Variants in WDR7 observed in about 807,000 individuals in gnomAD.
The protein encoded by WDR7 is WD repeat domain 7.
A neutral mutation model predicts 169.4 loss-of-function variants in WDR7; 46 were observed. The ratio of observed to expected loss-of-function variants is 0.27; its 90% CI spans 0.21 to 0.35. The LOEUF is 0.35. WDR7 is among the 10% of genes least tolerant of loss of function. The probability of loss-of-function intolerance (pLI) is 1.00; values close to 1 mark genes in which losing one functional copy is unlikely to be tolerated. For synonymous variants in WDR7, 612 were observed against 666.8 expected, an observed-to-expected ratio of 0.92 and a Z score of 1.27; for missense variants, 1,534 against 1,859.3, an observed-to-expected ratio of 0.83 and a Z score of 3.22.
intron 2 of WDR7, among the ~76,000 whole-genome samples, chr18:56,674,274 G>A (rs759264672): frequency 1.3e-5 from 2 of 152,126 alleles, no homozygotes; most frequent in African/African-American, 4.8e-5. Context: ...AGGGTTCCAG[G>A]TTTTCCACAT....
intron 20 of WDR7, among the ~76,000 whole-genome samples, chr18:56,834,424 T>C (rs748233491): frequency 5.3e-5 from 8 of 152,124 alleles, no homozygotes; most frequent in Non-Finnish European, 1.0e-4. Context: ...TATCCAGTTG[T>C]GGGGCTCACT....
intron 21 of WDR7, among the ~76,000 whole-genome samples, chr18:56,881,069 A>G (rs1308621795): frequency 6.6e-6 from 1 of 152,212 alleles, no homozygotes; most frequent in Non-Finnish European, 1.5e-5. Context: ...TTACTTTGTT[A>G]TTTATGACAG....
chr18:56,950,851 G>C (rs2576416), intron 25 of WDR7, among the ~76,000 whole-genome samples: 3 of 152,144 alleles, frequency 2.0e-5, no homozygotes, highest in Non-Finnish European at 4.4e-5. Flanking sequence ...AAATCACCAT[G>C]GTACATAATA....
chr18:56,677,866 G>A (rs1380195534), intron 2 of WDR7, among the ~76,000 whole-genome samples: 1 of 151,936 alleles, frequency 6.6e-6, no homozygotes, highest in Non-Finnish European at 1.5e-5. Flanking sequence ...CTCCTTCTCT[G>A]CCTCCTCTTT....
intron 1 of WDR7, among the ~76,000 whole-genome samples, chr18:56,659,752 C>T (rs544837370): frequency 2.0e-5 from 3 of 152,220 alleles, no homozygotes; most frequent in African/African-American, 7.2e-5. Context: ...AGGGAGAGAA[C>T]AACCACCTCA....
At chr18:56,768,428 T>A (rs948210491) in intron 16 of WDR7, among the ~76,000 whole-genome samples, 2 of 152,180 alleles carry the variant, frequency 1.3e-5, no homozygotes, top group Non-Finnish European at 2.9e-5. Context: ...AATATTGAAA[T>A]AAATATATAG....
chr18:56,775,276 G>A (rs1307924876), intron 16 of WDR7, among the ~76,000 whole-genome samples: 6 of 152,080 alleles, frequency 3.9e-5, no homozygotes, highest in East Asian at 3.9e-4. Context: ...TTATGGAAAA[G>A]TCCTAACTGA....
intron 19 of WDR7, among the ~76,000 whole-genome samples, chr18:56,799,963 T>A (rs2044645359): frequency 6.6e-6 from 1 of 152,224 alleles, no homozygotes. Context: ...CCTTGCTCAC[T>A]GCCAGAGTAA....
Position 57,024,619 on chromosome 18 carries a change from T to C in WDR7, c.4270-2385T>C, listed in dbSNP as rs796605229. On this transcript the variant is annotated intron_variant, in intron 27 of 27. Transcript: ENST00000254442. ...CTATTCTCAGGCAGGAATAGGGATA[T>C]GTGAGCTATGATAGTTATGTCCCTT... Among the ~76,000 whole-genome samples the C allele has an allele frequency of 2.8e-4, 37 of 129,948 alleles. 1 individual carries two copies. Among genetic ancestry groups the C allele is most frequent in the African/African-American group, 1.2e-3 (35 of 29,656 alleles). 85.3% of individuals were successfully genotyped at this position (129,948 alleles called of 152,430 possible). A position where few individuals can be genotyped will look rare whatever the true frequency, so the allele number is the denominator to read the frequency against.
At chr18:57,016,402 G>A (rs1644388287) in intron 26 of WDR7, among the ~76,000 whole-genome samples, 1 of 152,024 alleles carries the variant, frequency 6.6e-6, no homozygotes, top group Non-Finnish European at 1.5e-5. Flanking sequence ...TTTATGTTAA[G>A]AAAATGGTTT....
intron 19 of WDR7, among the ~76,000 whole-genome samples, chr18:56,788,998 G>A (rs2044444758): frequency 6.6e-6 from 1 of 152,130 alleles, no homozygotes; most frequent in Non-Finnish European, 1.5e-5. Context: ...GTGTTTCATT[G>A]GGACCTGAGA....
intron 26 of WDR7, among the ~76,000 whole-genome samples, chr18:57,004,653 A>G (rs1419678629): frequency 6.6e-6 from 1 of 152,194 alleles, no homozygotes; most frequent in Non-Finnish European, 1.5e-5. Context: ...ACCACATTGC[A>G]TACGGAATAG....
intron 21 of WDR7, among the ~76,000 whole-genome samples, chr18:56,919,925 TTG>T (rs1259451900): frequency 2.0e-5 from 3 of 152,158 alleles, no homozygotes; most frequent in Non-Finnish European, 2.9e-5. Flanking sequence ...GCTTAAAACT[TTG>T]TAATGGTTTT....
At chr18:56,675,534 C>G (rs619239) in intron 2 of WDR7, among the ~76,000 whole-genome samples, 139,396 of 151,864 alleles carry the variant, frequency 0.92, 65,143 homozygotes, top group East Asian at 1. Context: ...TATAGAAATA[C>G]ATTTGAGTTT....
intron 19 of WDR7, among the ~76,000 whole-genome samples, chr18:56,783,701 G>T (rs7228389): frequency 0.038 from 5,830 of 152,168 alleles, 377 homozygotes; most frequent in African/African-American, 0.13. Context: ...TAGAATAAAA[G>T]ATAATTTCTA....
At chr18:56,711,960 A>G (rs976452116) in intron 12 of WDR7, among the ~76,000 whole-genome samples, 15 of 152,182 alleles carry the variant, frequency 9.9e-5, no homozygotes, top group Admixed American at 8.5e-4. Context: ...AGCATGTCTA[A>G]TGATGGGCAT....
intron 14 of WDR7, among the ~76,000 whole-genome samples, chr18:56,754,273 G>GTGTGTATA (rs1555686093): frequency 5.4e-5 from 8 of 146,882 alleles, no homozygotes; most frequent in African/African-American, 2.0e-4. Flanking sequence ...GTGTGTGTGT[G>GTGTGTATA]TGTGTGTGTG....
intron 21 of WDR7, among the ~76,000 whole-genome samples, chr18:56,883,506 TG>T (rs1256111138): frequency 7.2e-5 from 11 of 151,774 alleles, no homozygotes; most frequent in African/African-American, 2.2e-4. Flanking sequence ...CTTGTTTTTT[TG>T]TTTTTTTTTT....
At chr18:56,879,653 A>G (rs1235471616) in intron 20 of WDR7, among the ~76,000 whole-genome samples, 1 of 152,180 alleles carries the variant, frequency 6.6e-6, no homozygotes, top group Non-Finnish European at 1.5e-5. Flanking sequence ...CTAAGAAATC[A>G]TTATATAATC....
Sources: gnomAD v4.1 joint callset for allele counts (sites outside exome capture counted in the v4.1 genomes callset) on GRCh38, gnomAD v4.1.1 for gene constraint, MANE v1.5 for transcripts, NCBI Gene and HGNC (gene_info 2026-07-23, HGNC 2026-07-21) for gene names.